Variants in CCDC178 observed in about 807,000 individuals in gnomAD.
The protein encoded by CCDC178 is coiled-coil domain-containing protein 178.
In CCDC178, 126 loss-of-function variants were observed where a neutral mutation model predicts 117.4. The observed-to-expected ratio is 1.07, with a 90% CI of 0.93 to 1.24. The LOEUF (loss-of-function observed/expected upper bound fraction) is 1.24. CCDC178 is among the 50% of genes most tolerant of loss of function. The probability of loss-of-function intolerance (pLI) is 0.00; values close to 1 mark genes in which losing one functional copy is unlikely to be tolerated. For missense variants in CCDC178, 1,030 were observed against 986.9 expected (o/e 1.04, Z -0.59); for synonymous variants, 283 against 313.4 (o/e 0.90, Z 1.02).
chr18:33,171,690 G>A (rs914234002), intron 20 of CCDC178, among the ~76,000 whole-genome samples: 1 of 152,184 alleles, frequency 6.6e-6, no homozygotes, highest in African/African-American at 2.4e-5. Context: ...CAGTTGACAT[G>A]CTGTTGGAGC....
At chr18:33,048,359 T>C (rs1456923215) in intron 21 of CCDC178, among the ~76,000 whole-genome samples, 1 of 152,214 alleles carries the variant, frequency 6.6e-6, no homozygotes, top group Non-Finnish European at 1.5e-5. Context: ...TAACTCAGTT[T>C]CCTGGTAGTA....
chr18:33,261,170 G>A (rs1004663192), intron 14 of CCDC178, among the ~76,000 whole-genome samples: 2 of 151,924 alleles, frequency 1.3e-5, no homozygotes, highest in African/African-American at 4.8e-5. Flanking sequence ...TGCGAGCTCC[G>A]CCTCCTGGGT....
intron 20 of CCDC178, among the ~76,000 whole-genome samples, chr18:33,124,625 A>T (rs563985942): frequency 6.6e-6 from 1 of 152,200 alleles, no homozygotes; most frequent in East Asian, 1.9e-4. Context: ...AATTGTTTGT[A>T]TCTTCTTTCT....
intron 3 of CCDC178, among the ~76,000 whole-genome samples, chr18:33,398,389 C>T (rs1355287199): frequency 6.6e-6 from 1 of 151,910 alleles, no homozygotes; most frequent in Non-Finnish European, 1.5e-5. Flanking sequence ...AATTTAGATT[C>T]AAACTAGAAA....
intron 2 of CCDC178, among the ~76,000 whole-genome samples, chr18:33,420,957 T>C (rs1008768885): frequency 6.6e-6 from 1 of 152,116 alleles, no homozygotes; most frequent in African/African-American, 2.4e-5. Context: ...TGGACAATGA[T>C]TTTGAATATA....
intron 22 of CCDC178, among the ~76,000 whole-genome samples, chr18:32,969,743 C>T (rs566957829): frequency 1.8e-4 from 27 of 151,918 alleles, no homozygotes; most frequent in Non-Finnish European, 3.4e-4. Flanking sequence ...TGCAATTTAT[C>T]TTATGGGACT....
At chr18:32,944,832 G>A (rs1040162093) in intron 22 of CCDC178, among the ~76,000 whole-genome samples, 1 of 152,180 alleles carries the variant, frequency 6.6e-6, no homozygotes, top group African/African-American at 2.4e-5. Flanking sequence ...CACTAGATCT[G>A]ATGGTTTTAT....
chr18:32,996,009 T>C (rs1400967438), intron 21 of CCDC178, among the ~76,000 whole-genome samples: 2 of 151,630 alleles, frequency 1.3e-5, no homozygotes, highest in Non-Finnish European at 3.0e-5. Context: ...AAGTGACTCA[T>C]GAAAATAAAG....
At chr18:33,227,052 T>A (rs1319374557) in intron 15 of CCDC178, among the ~76,000 whole-genome samples, 197 bp from the exon 16 acceptor site, 2 of 152,110 alleles carry the variant, frequency 1.3e-5, no homozygotes, top group African/African-American at 4.8e-5. Context: ...CACCAGGAAT[T>A]AGACTACAAA....
At chr18:33,096,297 TA>T (rs1274741487) in intron 20 of CCDC178, among the ~76,000 whole-genome samples, 1 of 103,218 alleles carries the variant, frequency 9.7e-6, no homozygotes, top group Non-Finnish European at 1.9e-5. Flanking sequence ...ATATAAAATA[TA>T]AAAATATAAA....
intron 21 of CCDC178, among the ~76,000 whole-genome samples, chr18:32,993,238 G>C (rs758287477): frequency 1.6e-4 from 24 of 152,222 alleles, no homozygotes; most frequent in Non-Finnish European, 3.1e-4. Flanking sequence ...TGGGAGCTCA[G>C]ACCTCAAACA....
chr18:33,235,881 G>C (rs1213501799), intron 15 of CCDC178, among the ~76,000 whole-genome samples: 3 of 152,058 alleles, frequency 2.0e-5, no homozygotes, highest in African/African-American at 7.2e-5. Context: ...ATCCCAATTG[G>C]CTAATTTTAT....
intron 20 of CCDC178, among the ~76,000 whole-genome samples, chr18:33,115,211 C>T (rs271562): frequency 0.095 from 14,467 of 151,966 alleles, 891 homozygotes; most frequent in African/African-American, 0.17. Context: ...TACTCATGTC[C>T]CTGATGTTCG....
At chr18:33,174,495 T>G (rs940896539) in intron 20 of CCDC178, among the ~76,000 whole-genome samples, 9 of 152,156 alleles carry the variant, frequency 5.9e-5, no homozygotes, top group African/African-American at 2.2e-4. Context: ...TCCCAAGGAC[T>G]ATGAATGAGG....
At chr18:32,978,600 T>C (rs1343520891) in intron 21 of CCDC178, among the ~76,000 whole-genome samples, 1 of 152,224 alleles carries the variant, frequency 6.6e-6, no homozygotes, top group South Asian at 2.1e-4. Context: ...TCAAACATTT[T>C]ACTAAATAAA....
chr18:32,956,685 A>C (rs1011204908), intron 22 of CCDC178: 1 of 152,200 alleles, frequency 6.6e-6, no homozygotes, highest in African/African-American at 2.4e-5. Context: ...AATATAAAGT[A>C]CTGTAGAAAC....
At chr18:33,009,528 C>T (rs1418121406) in intron 21 of CCDC178, among the ~76,000 whole-genome samples, 1 of 152,082 alleles carries the variant, frequency 6.6e-6, no homozygotes, top group Non-Finnish European at 1.5e-5. Flanking sequence ...ATCCACATTG[C>T]TAGTTCCTCA....
intron 21 of CCDC178, 147 bp downstream of exon 21, chr18:33,092,614 T>A (rs1317122563): frequency 2.1e-6 from 1 of 468,190 alleles, no homozygotes; most frequent in African/African-American, 2.0e-5. Context: ...AAGGTTGATA[T>A]AAATATACAA....
chr18:32,983,162 G>C, intron 21 of CCDC178: 1 of 600,406 alleles, frequency 1.7e-6, no homozygotes, highest in Non-Finnish European at 2.8e-6. Flanking sequence ...CCACTTCTCA[G>C]TACACTGGAG....
Sources: gnomAD v4.1 joint callset for allele counts (sites outside exome capture counted in the v4.1 genomes callset) on GRCh38, gnomAD v4.1.1 for gene constraint, MANE v1.5 for transcripts, NCBI Gene and HGNC (gene_info 2026-07-23, HGNC 2026-07-21) for gene names.